TAF5: variants seen among roughly 807,000 people sequenced by gnomAD.
The protein encoded by TAF5 is transcription initiation factor TFIID subunit 5.
In TAF5, 20 loss-of-function variants were observed where a neutral mutation model predicts 80.9. The observed-to-expected ratio is 0.25, with a 90% CI of 0.17 to 0.36. The LOEUF (loss-of-function observed/expected upper bound fraction) is 0.36, where lower values mean the gene tolerates loss of function less well. Ranked by LOEUF, TAF5 falls within the 10% of genes least tolerant of loss-of-function variation. TAF5 has a pLI of 1.00. For missense variants in TAF5, 863 were observed against 1,029.4 expected, an observed-to-expected ratio of 0.84 and a Z score of 2.21; for synonymous variants, 388 against 406.4, an observed-to-expected ratio of 0.95 and a Z score of 0.55.
Position 103,373,611 on chromosome 10 carries a change from CATAT to C in TAF5, c.797+26_797+29del. On this transcript the variant is annotated intron_variant, in intron 2 of 10. Transcript: ENST00000369839. ...TCTTTGAGAAGTATGTAAATTTTTA[CATAT>C]ATATATATACACACATACGTAGTGT... is the stretch of plus-strand genomic sequence containing the variant. 1.3e-6 allele frequency: 2 copies of C among 1,532,748 alleles called. No individual in the cohort carries two copies. Among genetic ancestry groups the C allele is most frequent in the Non-Finnish European group, 1.8e-6 (2 of 1,112,528 alleles). 94.9% of individuals were successfully genotyped at this position (1,532,748 alleles called of 1,614,324 possible).
rs564104164 is a variant in TAF5, at chr10:103,374,159, G to A, written c.797+564G>A. Among the ~76,000 whole-genome samples, 194 of 152,100 alleles carry A rather than the reference G, an allele frequency of 1.3e-3. 1 individual carries two copies. The highest frequency in any genetic ancestry group is 2.4e-3 in the Non-Finnish European group (160 of 68,010). On this transcript the variant is annotated intron_variant, in intron 2 of 10. Coordinates refer to ENST00000369839, the MANE Select transcript of TAF5 (RefSeq NM_006951.5). The surrounding 1 kb of genome is among the most constrained non-coding windows in gnomAD (Gnocchi z 4.3). ...GAGTCACTGAAAACTCATCAACAAT[G>A]GCATAAATAAAAGTTTATTTTTGCC...
At position 103,385,452 on chromosome 10, in the gene TAF5, A is replaced by G. The variant is rs749763486; in HGVS notation, c.1791A>G (p.Gly597=). The change falls in exon 8 of 11, where the codon GGA becomes GGG. Residue 597 remains glycine, a synonymous_variant. Coordinates refer to ENST00000369839, the MANE Select transcript of TAF5 (RefSeq NM_006951.5). The part of the protein sequence containing the change: ...PVWDTQFSPY[G]YYFVSGGHDR... Reference sequence around the variant, plus strand: ...GGGACACACAATTTTCTCCATATGGATATTATTTTGTGTCAGGGGGCCATG... The same window carrying G: ...GGGACACACAATTTTCTCCATATGGGTATTATTTTGTGTCAGGGGGCCATG... 9 of 1,614,010 alleles carry G rather than the reference A, an allele frequency of 5.6e-6. No individual in the cohort carries two copies. The highest frequency in any genetic ancestry group is 7.6e-6 in the Non-Finnish European group (9 of 1,180,008).
intron 1 of TAF5, among the ~76,000 whole-genome samples, chr10:103,368,917 A>G (rs1006349873): frequency 6.6e-6 from 1 of 152,110 alleles, no homozygotes; most frequent in Non-Finnish European, 1.5e-5. Context: ...AAGTACTGTA[A>G]GTACTTTATT....
intron 6 of TAF5, among the ~76,000 whole-genome samples, chr10:103,382,538 G>A (rs914219403): frequency 2.0e-5 from 3 of 151,748 alleles, no homozygotes; most frequent in Admixed American, 6.6e-5. Context: ...TGGTTCAAGC[G>A]ATTTTCCTGC....
intron 2 of TAF5, among the ~76,000 whole-genome samples, chr10:103,376,056 C>CAAA (rs373587088): frequency 7.6e-6 from 1 of 131,294 alleles, no homozygotes; most frequent in East Asian, 2.3e-4. Flanking sequence ...AAGTCTATCT[C>CAAA]AAAAAAAAAA....
At chr10:103,380,674 G>A (rs1021070494) in intron 5 of TAF5, among the ~76,000 whole-genome samples, 1 of 151,690 alleles carries the variant, frequency 6.6e-6, no homozygotes, top group African/African-American at 2.4e-5. Flanking sequence ...GAGTGCAGAG[G>A]TGAGATCTCA....
At position 103,378,307 on chromosome 10, in the gene TAF5, C is replaced by T. The variant is rs1220236861; in HGVS notation, c.870C>T (p.His290=). The part of the protein sequence containing the change: ...RVLSSLTKKE[H]MKGNETMLDF... ...TATCTAGTCTTACCAAAAAGGAACACATGAAAGGGAATGAGACCATGTTGG... is the reference window on the plus strand; with the variant it reads ...TATCTAGTCTTACCAAAAAGGAACATATGAAAGGGAATGAGACCATGTTGG... The change falls in exon 3 of 11, where the codon CAC becomes CAT. Residue 290 remains histidine, a synonymous_variant. Coordinates refer to ENST00000369839, the MANE Select transcript of TAF5 (RefSeq NM_006951.5). The surrounding 1 kb of genome is among the most constrained non-coding windows in gnomAD (Gnocchi z 4.1). The T allele has an allele frequency of 1.8e-5, 29 of 1,614,112 alleles. No homozygotes were observed. Among genetic ancestry groups the T allele is most frequent in the Non-Finnish European group, 2.5e-5 (29 of 1,180,026 alleles).
At chr10:103,375,139 AAG>A (rs1158437722) in intron 2 of TAF5, among the ~76,000 whole-genome samples, 1 of 151,686 alleles carries the variant, frequency 6.6e-6, no homozygotes, top group Non-Finnish European at 1.5e-5. Context: ...AAAAAAAAAA[AAG>A]AAAATGTGTG....
chr10:103,373,643 G>T, intron 2 of TAF5, 48 bp downstream of exon 2: 3 of 1,366,092 alleles, frequency 2.2e-6, no homozygotes, highest in Non-Finnish European at 1.0e-6. Flanking sequence ...CGTAGTGTGT[G>T]TGTGTGCGTG....
At chr10:103,384,113 A>G (rs1007620270) in intron 7 of TAF5, among the ~76,000 whole-genome samples, 1 of 152,222 alleles carries the variant, frequency 6.6e-6, no homozygotes, top group African/African-American at 2.4e-5. Context: ...CCTGACATTA[A>G]TGGCATATTA....
chr10:103,376,696 A>G (rs1309336642), intron 2 of TAF5, among the ~76,000 whole-genome samples: 1 of 152,244 alleles, frequency 6.6e-6, no homozygotes, highest in East Asian at 1.9e-4. Flanking sequence ...CTGTCACTTA[A>G]AAAAACAAAA....
chr10:103,372,883 G>A (rs1417597558), intron 1 of TAF5, among the ~76,000 whole-genome samples: 3 of 148,720 alleles, frequency 2.0e-5, no homozygotes, highest in Non-Finnish European at 4.5e-5. Flanking sequence ...CGACAAGAGT[G>A]AAACTCCATC....
rs2093373887 is a variant in TAF5 at position 103,378,148 on chromosome 10, T to C, written c.798-87T>C. 1 of 1,169,048 alleles carries C rather than the reference T, an allele frequency of 8.6e-7. No homozygotes were observed. Among genetic ancestry groups the C allele is most frequent in the African/African-American group, 1.5e-5 (1 of 64,856 alleles). 72.4% of individuals were successfully genotyped at this position (1,169,048 alleles called of 1,614,324 possible). A position where few individuals can be genotyped will look rare whatever the true frequency, so the allele number is the denominator to read the frequency against. ...TATTTAGACTACTACATTGAAAATA[T>C]TCTGGGATGGTTTATAAGTATATGG... On this transcript the variant is annotated intron_variant, in intron 2 of 10. Coordinates refer to ENST00000369839, the MANE Select transcript of TAF5 (RefSeq NM_006951.5). The surrounding 1 kb of genome is among the most constrained non-coding windows in gnomAD (Gnocchi z 4.1).
In TAF5 at chr10:103,385,606, T is replaced by C. The variant is rs1456698741; in HGVS notation, c.1829+116T>C. ...CTTCCATTATTGAGGTTCAACTTTC[T>C]GAGAAGCTTTTGCATTTATAACTTA... On this transcript the variant is annotated intron_variant, in intron 8 of 10. Transcript: ENST00000369839. The C allele has an allele frequency of 4.2e-6, 5 of 1,193,878 alleles. No individual in the cohort carries two copies. In the East Asian group the frequency reaches 7.7e-5, roughly 18 times the overall value. 74.0% of individuals were successfully genotyped at this position (1,193,878 alleles called of 1,614,324 possible). A position where few individuals can be genotyped will look rare whatever the true frequency, so the allele number is the denominator to read the frequency against.
rs149004413 is a variant in TAF5 at position 103,388,068 on chromosome 10, G to A, written c.2248G>A (p.Asp750Asn). Residue 750 changes from aspartate (D) to asparagine (N), a missense_variant, in exon 11 of 11, where the codon GAT becomes AAT. Asp to Asn is a conservative substitution (Grantham distance 23, BLOSUM62 1). Coordinates refer to ENST00000369839, the MANE Select transcript of TAF5 (RefSeq NM_006951.5). Reference sequence around the variant, plus strand: ...CAAAGCCTTTGAAGATTTAGAGACCGATGACTTTACTACAGCCACTGGGCA... The same window carrying A: ...CAAAGCCTTTGAAGATTTAGAGACCAATGACTTTACTACAGCCACTGGGCA... ...AIKAFEDLET[D>N]DFTTATGHIN... The A allele has an allele frequency of 2.4e-5, 39 of 1,613,938 alleles. 1 individual carries two copies. The highest frequency in any genetic ancestry group is 2.7e-5 in the Non-Finnish European group (32 of 1,179,962).
intron 8 of TAF5, among the ~76,000 whole-genome samples, chr10:103,385,727 C>T (rs1171023354): frequency 6.6e-6 from 1 of 151,708 alleles, no homozygotes; most frequent in Non-Finnish European, 1.5e-5. Context: ...GAGTTTGAGA[C>T]CAGCCTGGCC....
At chr10:103,383,177 ATTACT>A in intron 6 of TAF5, 56 bp from the exon 7 acceptor site, 2 of 1,441,734 alleles carry the variant, frequency 1.4e-6, no homozygotes, top group Middle Eastern at 1.8e-4. Context: ...CTGTGATATG[ATTACT>A]TTAAAAGTTT....
intron 7 of TAF5, 90 bp from the exon 8 acceptor site, chr10:103,385,236 A>G: frequency 9.8e-7 from 1 of 1,020,654 alleles, no homozygotes; most frequent in Non-Finnish European, 1.4e-6. Context: ...AATATATATA[A>G]AATATTAAAT....
intron 6 of TAF5, among the ~76,000 whole-genome samples, 163 bp from the exon 7 acceptor site, chr10:103,383,075 C>G (rs1360577984): frequency 3.9e-5 from 6 of 152,344 alleles, no homozygotes; most frequent in African/African-American, 1.4e-4. Flanking sequence ...TCTTCTCTTA[C>G]ACGCTGAGAT....
Sources: allele counts gnomAD v4.1 joint callset (sites outside exome capture counted in the v4.1 genomes callset), GRCh38; gene constraint gnomAD v4.1.1; non-coding constraint Gnocchi (gnomAD v3.1); transcripts MANE v1.5; gene names NCBI Gene and HGNC (gene_info 2026-07-23, HGNC 2026-07-21).